Variants in ELP1 observed in about 807,000 individuals in gnomAD.
ELP1 encodes elongator acetyltransferase complex subunit 1.
ELP1 carries 131 observed loss-of-function variants against 183.2 expected under a neutral mutation model. The observed-to-expected ratio is 0.72, with a 90% CI of 0.62 to 0.83. The LOEUF (loss-of-function observed/expected upper bound fraction) is 0.83. Ranked by LOEUF, ELP1 falls within the 40% of genes least tolerant of loss-of-function variation. The pLI is 0.00. For synonymous variants in ELP1, 555 were observed against 569.0 expected (o/e 0.98, Z 0.35); for missense variants, 1,550 against 1,594.9 (o/e 0.97, Z 0.48).
rs1042565807 is a variant in ELP1 at position 108,868,900 on chromosome 9, A to G, written c.*215T>C. 5.0e-5 allele frequency: 31 copies of G among 619,992 alleles called. No individual in the cohort carries two copies. The highest frequency in any genetic ancestry group is 7.5e-5 in the Non-Finnish European group (26 of 345,872). The allele number at this position is 619,992 out of a possible 1,614,324, so 38.4% of individuals were successfully genotyped here. On this transcript the variant is annotated 3_prime_UTR_variant, in exon 37 of 37. Coordinates refer to ENST00000374647, the MANE Select transcript of ELP1 (RefSeq NM_003640.5). ...CTCACAAAATGGTGCCATAATGGTT[A>G]AAGCTTAATGTCTTGCTAATGATCA... is the stretch of plus-strand genomic sequence containing the variant.
intron 16 of ELP1, 53 bp downstream of exon 16, chr9:108,902,786 A>T: frequency 7.5e-7 from 1 of 1,341,668 alleles, no homozygotes; most frequent in Non-Finnish European, 1.1e-6. Flanking sequence ...ACTTAATGCC[A>T]TCAGTCCCTG....
rs1373407345 is a variant in ELP1, at chr9:108,869,135, T to G, written c.3979A>C (p.Lys1327Gln). Residue 1327 changes from lysine (K) to glutamine (Q), a missense_variant, in exon 37 of 37, where the codon AAG becomes CAG. Lys to Gln is a moderately conservative substitution (Grantham distance 53). Transcript: ENST00000374647. ...PPKINRRTQW[K>Q]LSLLD is the part of the protein sequence containing the mutation. ...GTCACTCAGTCTAGCAGGCTCAGCT[T>G]CCACTGGGTTCTTCTGTTGATCTTT... is the stretch of plus-strand genomic sequence containing the variant. 5 of 1,614,150 alleles carry G rather than the reference T, an allele frequency of 3.1e-6. No homozygotes were observed. Among genetic ancestry groups the G allele is most frequent in the Non-Finnish European group, 4.2e-6 (5 of 1,179,974 alleles).
intron 6 of ELP1, among the ~76,000 whole-genome samples, chr9:108,920,146 C>T (rs1447014990): frequency 1.3e-5 from 2 of 152,118 alleles, no homozygotes; most frequent in Admixed American, 6.5e-5. Context: ...GGACAGAAAA[C>T]GTAGATGGCA....
chr9:108,929,741 T>A, intron 3 of ELP1, 28 bp downstream of exon 3: 1 of 1,612,758 alleles, frequency 6.2e-7, no homozygotes, highest in Non-Finnish European at 8.5e-7. Flanking sequence ...TGCTTGAGAC[T>A]CCCCCCTCAC....
At chr9:108,894,130 C>T (rs1487524693) in intron 25 of ELP1, 64 bp from the exon 26 acceptor site, 24 of 992,384 alleles carry the variant, frequency 2.4e-5, no homozygotes, top group South Asian at 2.2e-4. Context: ...TAGAAACTAG[C>T]ATTTACATAT....
rs543759021 is a variant in ELP1, at chr9:108,878,028, C to T, written c.3822G>A (p.Trp1274Ter). 1 of 1,614,162 alleles carries T rather than the reference C, an allele frequency of 6.2e-7. No homozygotes were observed. The highest frequency in any genetic ancestry group is 1.7e-5 in the Admixed American group (1 of 60,010). ...QLMERSLPEI[W>*]TLTYQQNSAT... is the part of the protein sequence containing the mutation. ...CTGAATTCTGCTGGTAAGTAAGAGT[C>T]CAAATTTCTGGAAGTGACCTTTCCA... Residue 1274 changes from tryptophan (W) to a stop codon, truncating the protein, a stop_gained, in exon 35 of 37, where the codon TGG becomes TGA. Coordinates refer to ENST00000374647, the MANE Select transcript of ELP1 (RefSeq NM_003640.5). LOFTEE classifies it high-confidence loss of function.
chr9:108,924,153 T>A (rs1050832226), intron 5 of ELP1, among the ~76,000 whole-genome samples: 10 of 152,122 alleles, frequency 6.6e-5, no homozygotes, highest in Admixed American at 6.5e-4. Flanking sequence ...AATGATGCGG[T>A]TACAGCAGGG....
chr9:108,891,775 C>T (rs906275586), intron 27 of ELP1, among the ~76,000 whole-genome samples: 1 of 152,138 alleles, frequency 6.6e-6, no homozygotes, highest in East Asian at 1.9e-4. Flanking sequence ...TAATGGCAAA[C>T]GTGAGTAAAG....
Position 108,906,323 on chromosome 9 carries a change from C to A in ELP1, c.1623G>T (p.Glu541Asp). ...LTAASSEMDE[E>D]HGQLNVSSSA... is the part of the protein sequence containing the mutation. ...AATACCTGACATTGAGCTGTCCATG[C>A]TCTTCATCCATCTCAGAAGAAGCTG... Residue 541 changes from glutamate to aspartate, a missense_variant, in exon 14 of 37, where the codon GAG becomes GAT. Glu to Asp is a conservative substitution (Grantham distance 45). Coordinates refer to ENST00000374647, the MANE Select transcript of ELP1 (RefSeq NM_003640.5). The A allele has an allele frequency of 6.2e-7, 1 of 1,613,996 alleles. No individual in the cohort carries two copies. The highest frequency in any genetic ancestry group is 8.5e-7 in the Non-Finnish European group (1 of 1,179,878).
At chr9:108,890,694 C>T (rs1828290890) in intron 28 of ELP1, among the ~76,000 whole-genome samples, 1 of 152,244 alleles carries the variant, frequency 6.6e-6, no homozygotes. Flanking sequence ...CACCTCATTC[C>T]TGGCTATTCC....
chr9:108,926,468 G>C (rs1444692765), intron 5 of ELP1, 55 bp downstream of exon 5: 3 of 1,362,642 alleles, frequency 2.2e-6, no homozygotes, highest in Admixed American at 1.7e-5. Flanking sequence ...ACAAGGAAAT[G>C]GTCAAAAATG....
At position 108,927,462 on chromosome 9, in the gene ELP1, G is replaced by C. The variant is rs538870297; in HGVS notation, c.304-9C>G. On this transcript the variant is annotated splice_polypyrimidine_tract_variant and intron_variant, in intron 3 of 36. Coordinates refer to ENST00000374647, the MANE Select transcript of ELP1 (RefSeq NM_003640.5). The stretch of plus-strand genomic sequence containing the variant: ...CTCCCAACACACTCCAGCTGAGACA[G>C]AGAAAATTGAAAAGAGAGATTCAAA... The C allele has an allele frequency of 1.2e-6, 2 of 1,608,866 alleles. No homozygotes were observed. The highest frequency in any genetic ancestry group is 1.7e-6 in the Non-Finnish European group (2 of 1,175,318).
intron 6 of ELP1, among the ~76,000 whole-genome samples, chr9:108,921,034 T>A (rs1054179199): frequency 6.6e-6 from 1 of 152,188 alleles, no homozygotes; most frequent in African/African-American, 2.4e-5. Flanking sequence ...AAGTACTATT[T>A]TTTAACACCT....
chr9:108,869,378 G>A (rs534635653), intron 36 of ELP1, among the ~76,000 whole-genome samples, 196 bp from the exon 37 acceptor site: 3 of 152,256 alleles, frequency 2.0e-5, no homozygotes, highest in African/African-American at 7.2e-5. Context: ...GCCCTGAGAG[G>A]AGGGACTGCA....
chr9:108,882,113 C>T lies in ELP1; in HGVS notation c.3285+12G>A. 6.2e-7 allele frequency: 1 copy of T among 1,611,844 alleles called. No homozygotes were observed. On this transcript the variant is annotated intron_variant, in intron 30 of 36. Coordinates refer to ENST00000374647, the MANE Select transcript of ELP1 (RefSeq NM_003640.5). ...TAGCACCCAACATCCAGAGGATTTA[C>T]AAGATTCTTACCAGCCTCAAAGCTT...
At chr9:108,923,453 G>C (rs779030462) in intron 5 of ELP1, among the ~76,000 whole-genome samples, 8 of 152,140 alleles carry the variant, frequency 5.3e-5, no homozygotes, top group Non-Finnish European at 1.2e-4. Flanking sequence ...CCTTATTTTG[G>C]AAAGCATTTT....
intron 26 of ELP1, 146 bp from the exon 27 acceptor site, chr9:108,893,229 A>G: frequency 4.4e-6 from 3 of 686,704 alleles, no homozygotes; most frequent in Non-Finnish European, 7.8e-6. Flanking sequence ...GGATCCTGGA[A>G]TTTGAATTTT....
rs908734242 is a variant in ELP1, at chr9:108,898,566, C to T, written c.2299G>A (p.Val767Met). ...DHNPKVFLGN[V>M]ETFIKQIDSV... ...TCTATCTGTTTAATGAAGGTTTCCA[C>T]ATTTCCAAGAAACACCTACCAAAAA... The change falls in exon 22 of 37, where the codon GTG (valine) becomes ATG (methionine). Residue 767 changes from valine to methionine, a missense_variant. Physicochemically the swap from Val to Met is conservative, Grantham distance 21 (BLOSUM62 1). Coordinates refer to ENST00000374647, the MANE Select transcript of ELP1 (RefSeq NM_003640.5). The T allele has an allele frequency of 1.9e-6, 3 of 1,606,956 alleles. No individual in the cohort carries two copies. The highest frequency in any genetic ancestry group is 4.5e-5 in the East Asian group (2 of 44,766).
chr9:108,905,700 G>C (rs947805306), intron 14 of ELP1, among the ~76,000 whole-genome samples: 1 of 152,096 alleles, frequency 6.6e-6, no homozygotes, highest in Non-Finnish European at 1.5e-5. Flanking sequence ...ACATCATAGA[G>C]TACTTACACA....
Sources: gnomAD v4.1 joint callset for allele counts (sites outside exome capture counted in the v4.1 genomes callset) on GRCh38, gnomAD v4.1.1 for gene constraint, MANE v1.5 for transcripts, NCBI Gene and HGNC (gene_info 2026-07-23, HGNC 2026-07-21) for gene names.